TMCO6: variants seen among roughly 807,000 people sequenced by gnomAD.
TMCO6 encodes transmembrane and coiled-coil domain-containing protein 6.
TMCO6 carries 47 observed loss-of-function variants against 61.8 expected under a neutral mutation model. The observed-to-expected ratio is 0.76, with a 90% confidence interval of 0.60 to 0.97. TMCO6 has a LOEUF of 0.97. TMCO6 is among the 50% of genes least tolerant of loss of function. TMCO6 has a pLI of 0.00. For synonymous variants in TMCO6, 261 were observed against 254.2 expected, an observed-to-expected ratio of 1.03 and a Z score of -0.25; for missense variants, 557 against 601.6, an observed-to-expected ratio of 0.93 and a Z score of 0.78.
chr5:140,622,024 A>G, the TMCO6 span, among the ~76,000 whole-genome samples: 48,889 of 152,000 alleles, frequency 0.32, 8,297 homozygotes, highest in African/African-American at 0.43. Context: ...CTGTGATCTC[A>G]CCCTGCCTCC....
In TMCO6 at chr5:140,641,412, T is replaced by A. The variant is rs546581899; in HGVS notation, c.199-253T>A. The A allele has an allele frequency of 2.9e-5, 14 of 490,638 alleles. No homozygotes were observed. The Admixed American group carries it at 3.7e-4, about 13-fold the overall frequency. The allele number at this position is 490,638 out of a possible 1,614,324, so 30.4% of individuals were successfully genotyped here. A position where few individuals can be genotyped will look rare whatever the true frequency, so the allele number is the denominator to read the frequency against. On this transcript the variant is annotated intron_variant, in intron 2 of 11. Coordinates refer to ENST00000394671, the MANE Select transcript of TMCO6 (RefSeq NM_018502.5). ...CCCTGTATGAAGGCAGGATAGATAT[T>A]GTTATTCTCATTTTCAGGTGAGGAA... is the stretch of plus-strand genomic sequence containing the variant.
chr5:140,632,927 C>T, the TMCO6 span: 1 of 1,614,102 alleles, frequency 6.2e-7, no homozygotes, highest in South Asian at 1.1e-5. This position sits in a 1 kb window ranked among gnomAD's most constrained non-coding sequence, Gnocchi z 6.2. Context: ...CTGGCGTGGT[C>T]GCAGAGACGT....
intron 2 of TMCO6, among the ~76,000 whole-genome samples, chr5:140,640,196 C>T (rs1173887561): frequency 6.6e-6 from 1 of 152,196 alleles, no homozygotes; most frequent in Admixed American, 6.5e-5. Context: ...TTTAAAAACA[C>T]GTGGAGACCA....
At chr5:140,647,044 T>C, downstream of TMCO6, 1 of 545,966 alleles carries the variant, frequency 1.8e-6, no homozygotes, top group Non-Finnish European at 3.1e-6. Context: ...CTACGCAGGA[T>C]TCGGTCAGCC....
chr5:140,604,778 C>A, the TMCO6 span, among the ~76,000 whole-genome samples: 3 of 137,076 alleles, frequency 2.2e-5, no homozygotes, highest in Non-Finnish European at 3.1e-5. Flanking sequence ...AGTGTCATTT[C>A]TCTTTTTTTT....
At chr5:140,639,312 G>T, upstream of TMCO6, 1 of 570,130 alleles carries the variant, frequency 1.8e-6, no homozygotes, top group East Asian at 3.1e-5. Flanking sequence ...TCTGGCTCTG[G>T]TCTAGTGGTG....
chr5:140,634,008 T>C, the TMCO6 span, among the ~76,000 whole-genome samples: 1 of 152,184 alleles, frequency 6.6e-6, no homozygotes, highest in Non-Finnish European at 1.5e-5. Flanking sequence ...CAGGCTGGTC[T>C]TGAACTCCTG....
chr5:140,645,099 T>C lies in TMCO6; in HGVS notation c.*1T>C. ...CCAGCAGACAGCTCTTCAAGGGTGA[T>C]CTTGTTTCTCAATGTCACTCATTCC... On this transcript the variant is annotated 3_prime_UTR_variant, in exon 12 of 12. Transcript: ENST00000394671. 1 of 1,613,462 alleles carries C rather than the reference T, an allele frequency of 6.2e-7. No individual in the cohort carries two copies. Among genetic ancestry groups the C allele is most frequent in the South Asian group, 1.1e-5 (1 of 91,078 alleles).
the TMCO6 span, among the ~76,000 whole-genome samples, chr5:140,618,914 G>T: frequency 2.0e-5 from 3 of 152,068 alleles, no homozygotes; most frequent in East Asian, 5.8e-4. Flanking sequence ...CTAGGGTTTG[G>T]CAATGAATTT....
upstream of TMCO6, among the ~76,000 whole-genome samples, chr5:140,635,316 C>T (rs543039264): frequency 1.8e-4 from 28 of 152,196 alleles, no homozygotes; most frequent in African/African-American, 3.9e-4. Context: ...CCCAGCTTTA[C>T]GACTGAGGTT....
At chr5:140,639,926 C>A in intron 2 of TMCO6, 75 bp downstream of exon 2, 1 of 1,312,190 alleles carries the variant, frequency 7.6e-7, no homozygotes, top group Non-Finnish European at 1.1e-6. Context: ...CGAGGTCTGC[C>A]CCAAACCTGA....
chr5:140,614,348 A>C, the TMCO6 span, among the ~76,000 whole-genome samples: 1 of 152,008 alleles, frequency 6.6e-6, no homozygotes, highest in Non-Finnish European at 1.5e-5. Context: ...GTCTCTACTA[A>C]AAATACAGAA....
chr5:140,642,374 G>C lies in TMCO6; in HGVS notation c.558G>C (p.Gln186His). 5 of 1,613,774 alleles carry C rather than the reference G, an allele frequency of 3.1e-6. No homozygotes were observed. The highest frequency in any genetic ancestry group is 4.2e-6 in the Non-Finnish European group (5 of 1,179,866). The change falls in exon 5 of 12, where the codon CAG (glutamine) becomes CAC (histidine). Residue 186 changes from glutamine to histidine, a missense_variant. Coordinates refer to ENST00000394671, the MANE Select transcript of TMCO6 (RefSeq NM_018502.5). ...TGGAGAGTGAGGCTGTGAGAAGGCA[G>C]CTCCTGCCACAGGGCATTGTTCCAG... ...LIVESEAVRRQLLPQGIVPAL... is the reference protein window; with the variant it reads ...LIVESEAVRRHLLPQGIVPAL...
At chr5:140,619,433 G>A in the TMCO6 span, among the ~76,000 whole-genome samples, 1 of 152,126 alleles carries the variant, frequency 6.6e-6, no homozygotes, top group Non-Finnish European at 1.5e-5. Flanking sequence ...TTGGGTAACT[G>A]CCAAACTTTA....
the TMCO6 span, chr5:140,632,800 C>T: frequency 2.5e-6 from 4 of 1,613,678 alleles, no homozygotes; most frequent in East Asian, 6.7e-5. This position sits in a 1 kb window ranked among gnomAD's most constrained non-coding sequence, Gnocchi z 6.2. Context: ...TTGAGACCGC[C>T]GGCATGGATC....
Position 140,645,339 on chromosome 5 carries a change from C to A in TMCO6, c.*241C>A. 1 of 743,874 alleles carries A rather than the reference C, an allele frequency of 1.3e-6. No individual in the cohort carries two copies. The highest frequency in any genetic ancestry group is 2.3e-6 in the Non-Finnish European group (1 of 427,610). 46.1% of individuals were successfully genotyped at this position (743,874 alleles called of 1,614,324 possible). A position where few individuals can be genotyped will look rare whatever the true frequency, so the allele number is the denominator to read the frequency against. On this transcript the variant is annotated 3_prime_UTR_variant, in exon 12 of 12. Transcript: ENST00000394671. ...CTAGAATCCCTGCCCCCCCGCCACC[C>A]TTCATGTTTGCTTCAGCAGCTGGTA...
At chr5:140,634,158 A>G in the TMCO6 span, among the ~76,000 whole-genome samples, 1 of 152,150 alleles carries the variant, frequency 6.6e-6, no homozygotes, top group South Asian at 2.1e-4. Context: ...CACTTACACT[A>G]TCCATTTTCT....
chr5:140,631,779 G>A, the TMCO6 span: 2 of 1,385,136 alleles, frequency 1.4e-6, no homozygotes, highest in Admixed American at 2.3e-5. Flanking sequence ...TGAATTGGTC[G>A]AAAAGTCCTC....
At chr5:140,627,320 A>G in the TMCO6 span, among the ~76,000 whole-genome samples, 1 of 152,130 alleles carries the variant, frequency 6.6e-6, no homozygotes, top group South Asian at 2.1e-4. Flanking sequence ...CAGCATAGCT[A>G]GAGGGCATGG....
Sources: gnomAD v4.1 joint callset for allele counts (sites outside exome capture counted in the v4.1 genomes callset) on GRCh38, gnomAD v4.1.1 for gene constraint, Gnocchi (gnomAD v3.1) non-coding constraint, MANE v1.5 for transcripts, NCBI Gene and HGNC (gene_info 2026-07-23, HGNC 2026-07-21) for gene names.